Variants in SHROOM2 observed in about 807,000 individuals in gnomAD.
SHROOM2 encodes shroom family member 2.
In SHROOM2, 33 loss-of-function variants were observed where a neutral mutation model predicts 75.9. The ratio of observed to expected loss-of-function variants is 0.43; its 90% CI spans 0.33 to 0.58. The LOEUF (loss-of-function observed/expected upper bound fraction) is 0.58. SHROOM2 is among the 20% of genes least tolerant of loss of function. The pLI, the probability that SHROOM2 is intolerant of heterozygous loss-of-function variation, is 0.04. For missense variants in SHROOM2, 1,434 were observed against 1,461.2 expected (o/e 0.98, Z 0.30); for synonymous variants, 655 against 663.6 (o/e 0.99, Z 0.20).
chrX:9,820,239 G>A (rs55760320), intron 1 of SHROOM2, among the ~76,000 whole-genome samples: 4,506 of 101,682 alleles, frequency 0.044, 131 homozygotes, highest in Non-Finnish European at 0.065. Context: ...GACTGAAGCT[G>A]GCACCATCCT....
At chrX:9,900,245 A>G (rs1444582922) in intron 5 of SHROOM2, among the ~76,000 whole-genome samples, 3 of 110,838 alleles carry the variant, frequency 2.7e-5, no homozygotes, top group Non-Finnish European at 5.7e-5. Flanking sequence ...ATTCGAGAAT[A>G]TGTAGGTTGA....
intron 6 of SHROOM2, among the ~76,000 whole-genome samples, chrX:9,933,987 G>T (rs185197462): frequency 2.7e-5 from 3 of 111,423 alleles, no homozygotes; most frequent in South Asian, 7.6e-4. Context: ...CGATGGGAGT[G>T]GGGGGTGCTC....
At chrX:9,939,614 GT>G (rs1300689795) in intron 8 of SHROOM2, among the ~76,000 whole-genome samples, 1 of 112,118 alleles carries the variant, frequency 8.9e-6, no homozygotes, top group Non-Finnish European at 1.9e-5. Context: ...TGTCAAATTA[GT>G]TTAGTCACCA....
chrX:9,831,915 C>T (rs1414287203), intron 1 of SHROOM2, among the ~76,000 whole-genome samples: 1 of 110,761 alleles, frequency 9.0e-6, no homozygotes, highest in Non-Finnish European at 1.9e-5. Context: ...CTCCTAACAC[C>T]ATCACCATGA....
At position 9,895,054 on chromosome X, in the gene SHROOM2, G is replaced by A. The variant is rs776980788; in HGVS notation, c.1146G>A (p.Ser382=). 5.1e-5 allele frequency: 62 copies of A among 1,204,702 alleles called. No homozygotes were observed. In the South Asian group the frequency reaches 8.4e-4, roughly 16 times the overall value. The change falls in exon 4 of 10, where the codon TCG becomes TCA. Residue 382 remains serine (S), a synonymous_variant. Coordinates refer to ENST00000380913, the MANE Select transcript of SHROOM2 (RefSeq NM_001649.4). ...SAHPGSLGKG[S]GGPGCPQEAH... ...ACCCGGGGAGCCTCGGGAAGGGATC[G>A]GGAGGCCCGGGCTGCCCACAGGAGG...
At chrX:9,875,441 C>T (rs1029324193) in intron 2 of SHROOM2, among the ~76,000 whole-genome samples, 4 of 111,591 alleles carry the variant, frequency 3.6e-5, no homozygotes, top group Non-Finnish European at 7.5e-5. Context: ...TGGGGGTCAT[C>T]ATCCCGCTGC....
chrX:9,901,253 A>T (rs1207765888), intron 5 of SHROOM2, among the ~76,000 whole-genome samples: 1 of 111,469 alleles, frequency 9.0e-6, no homozygotes, highest in East Asian at 2.8e-4. Context: ...TTTTACCTTA[A>T]TTACTTCTTC....
In SHROOM2 at chrX:9,894,596, T is replaced by A. The variant is rs1444115003; in HGVS notation, c.688T>A (p.Ser230Thr). Residue 230 changes from serine to threonine, a missense_variant, in exon 4 of 10, where the codon TCC (serine) becomes ACC (threonine). This residue lies in a region of SHROOM2 where 1,340 missense variants were observed against 1,338.3 expected (regional missense o/e 1.00). Transcript: ENST00000380913. ...CCACACCTTGTCCAAAGCCGACACG[T>A]CCTCCGCAGAGAACATCCTCTACAC... ...PDHTLSKADT[S>T]SAENILYTVG... The A allele has an allele frequency of 8.3e-7, 1 of 1,211,360 alleles. No individual in the cohort carries two copies. The highest frequency in any genetic ancestry group is 1.1e-6 in the Non-Finnish European group (1 of 895,333).
intron 2 of SHROOM2, among the ~76,000 whole-genome samples, chrX:9,889,397 C>T (rs1310706192): frequency 2.7e-5 from 3 of 112,242 alleles, no homozygotes; most frequent in Non-Finnish European, 5.6e-5. Flanking sequence ...TAAAGAGGCC[C>T]GCTTGAGCTC....
intron 1 of SHROOM2, among the ~76,000 whole-genome samples, chrX:9,864,518 C>T (rs775755144): frequency 5.7e-4 from 63 of 110,832 alleles, no homozygotes; most frequent in Admixed American, 1.6e-3. Flanking sequence ...CTCGTCTCTA[C>T]AAAAAATAAA....
intron 5 of SHROOM2, among the ~76,000 whole-genome samples, chrX:9,899,844 C>G (rs910912055): frequency 5.3e-5 from 6 of 112,585 alleles, no homozygotes; most frequent in African/African-American, 1.9e-4. Context: ...GCTCCCAGGC[C>G]GTTGAGGCTG....
At chrX:9,911,962 G>A (rs2084429825) in intron 5 of SHROOM2, among the ~76,000 whole-genome samples, 1 of 109,717 alleles carries the variant, frequency 9.1e-6, no homozygotes, top group Non-Finnish European at 1.9e-5. Flanking sequence ...AAGAAGTGCT[G>A]GGCACAGTGG....
intron 5 of SHROOM2, among the ~76,000 whole-genome samples, chrX:9,907,935 G>A (rs774423027): frequency 8.9e-6 from 1 of 112,375 alleles, no homozygotes; most frequent in East Asian, 2.8e-4. Flanking sequence ...TTTACACAAA[G>A]GTTTGCTTGC....
intron 5 of SHROOM2, among the ~76,000 whole-genome samples, chrX:9,924,829 AT>A (rs1180750610): frequency 6.5e-5 from 7 of 107,094 alleles, no homozygotes; most frequent in East Asian, 5.8e-4. Context: ...CTAATTTTTA[AT>A]TTTTTTTTTA....
chrX:9,851,063 C>T (rs919764860), intron 1 of SHROOM2, among the ~76,000 whole-genome samples: 16 of 111,018 alleles, frequency 1.4e-4, no homozygotes, highest in African/African-American at 4.9e-4. Flanking sequence ...GACTGGAGTG[C>T]AGTGGCAGAA....
In SHROOM2 at chrX:9,891,039, C is replaced by T; in HGVS notation, c.380C>T (p.Pro127Leu). ...GCCACCAAGTTCTCTGACAGCCACC[C>T]CGAGCTAGCGGCCTCCCCATTCACC... ...WHATKFSDSH[P>L]ELAASPFTST... The change falls in exon 3 of 10, where the codon CCC (proline) becomes CTC (leucine). Residue 127 changes from proline to leucine, a missense_variant. Physicochemically the swap from Pro to Leu is moderately conservative, Grantham distance 98. Coordinates refer to ENST00000380913, the MANE Select transcript of SHROOM2 (RefSeq NM_001649.4). 1 of 1,203,228 alleles carries T rather than the reference C, an allele frequency of 8.3e-7. No individual in the cohort carries two copies. The highest frequency in any genetic ancestry group is 2.2e-5 in the Admixed American group (1 of 45,111).
At chrX:9,790,444 C>T (rs1320744613) in intron 1 of SHROOM2, among the ~76,000 whole-genome samples, 1 of 111,534 alleles carries the variant, frequency 9.0e-6, no homozygotes, top group African/African-American at 3.3e-5. Context: ...GGGTCAGGAG[C>T]GGGTGACTCT....
chrX:9,815,317 T>C (rs1186737290), intron 1 of SHROOM2, among the ~76,000 whole-genome samples: 1 of 110,209 alleles, frequency 9.1e-6, no homozygotes, highest in Non-Finnish European at 1.9e-5. Context: ...TCCAGAAACC[T>C]CAACCCACAA....
Position 9,806,850 on chromosome X carries a change from A to G in SHROOM2, c.165+20140A>G, listed in dbSNP as rs376947019. Among the ~76,000 whole-genome samples, 138 of 110,326 alleles carry G rather than the reference A, an allele frequency of 1.3e-3. 1 individual carries two copies. Among genetic ancestry groups the G allele is most frequent in the African/African-American group, 4.4e-3 (132 of 30,329 alleles). ...GCAATTCTCATGCTTCAGCCTCCCA[A>G]GTAGCTGGGATTACAAGCCTGCGCC... On this transcript the variant is annotated intron_variant, in intron 1 of 9. Transcript: ENST00000380913.
Sources: allele counts gnomAD v4.1 joint callset (sites outside exome capture counted in the v4.1 genomes callset), GRCh38; gene constraint gnomAD v4.1.1; regional missense constraint gnomAD v4.1.1; transcripts MANE v1.5; gene names NCBI Gene and HGNC (gene_info 2026-07-23, HGNC 2026-07-21).